The following IL20RA variants were observed in gnomAD, a reference collection of about 807,000 sequenced individuals.
IL20RA encodes the protein interleukin-20 receptor subunit alpha.
In IL20RA, 29 loss-of-function variants were observed where a neutral mutation model predicts 36.5. The observed-to-expected ratio is 0.79, with a 90% CI of 0.59 to 1.08. The LOEUF is 1.08. IL20RA is among the 50% of genes least tolerant of loss of function. The probability of loss-of-function intolerance (pLI) is 0.00; values close to 1 mark genes in which losing one functional copy is unlikely to be tolerated. For synonymous variants in IL20RA, 279 were observed against 267.1 expected (o/e 1.04, Z -0.43); for missense variants, 652 against 668.4 (o/e 0.98, Z 0.27).
At chr6:137,034,075 T>C (rs1187681694) in intron 1 of IL20RA, among the ~76,000 whole-genome samples, 1 of 152,138 alleles carries the variant, frequency 6.6e-6, no homozygotes, top group Non-Finnish European at 1.5e-5. Context: ...ATTACTGTGG[T>C]TTGAGTGAGT....
At chr6:137,036,746 AT>A (rs1033344117) in intron 1 of IL20RA, among the ~76,000 whole-genome samples, 1 of 152,114 alleles carries the variant, frequency 6.6e-6, no homozygotes, top group Non-Finnish European at 1.5e-5. Flanking sequence ...AAGTTGCATT[AT>A]TTTAAGCCAC....
chr6:137,004,600 C>A, intron 6 of IL20RA, 21 bp downstream of exon 6: 1 of 1,611,050 alleles, frequency 6.2e-7, no homozygotes, highest in Non-Finnish European at 8.5e-7. Context: ...AATAAAGAAC[C>A]CTGCCACACC....
At chr6:137,034,542 T>C (rs2115420460) in intron 1 of IL20RA, among the ~76,000 whole-genome samples, 1 of 152,232 alleles carries the variant, frequency 6.6e-6, no homozygotes, top group East Asian at 1.9e-4. Flanking sequence ...GCATTAGCTA[T>C]TTATCCTGAT....
intron 1 of IL20RA, among the ~76,000 whole-genome samples, chr6:137,023,074 T>C (rs1775961202): frequency 6.6e-6 from 1 of 152,174 alleles, no homozygotes; most frequent in South Asian, 2.1e-4. Context: ...TTATGGTGAA[T>C]AGACAGGTAA....
intron 1 of IL20RA, among the ~76,000 whole-genome samples, chr6:137,020,382 TTTG>T (rs1775852186): frequency 6.6e-6 from 1 of 152,118 alleles, no homozygotes; most frequent in Non-Finnish European, 1.5e-5. Context: ...TGAGATAATA[TTTG>T]TTGTTTAAAG....
chr6:137,029,625 G>A (rs1402861221), intron 1 of IL20RA, among the ~76,000 whole-genome samples: 1 of 152,188 alleles, frequency 6.6e-6, no homozygotes, highest in African/African-American at 2.4e-5. Context: ...TGGAAAAGTA[G>A]ATTCAAATAT....
chr6:137,002,026 G>A lies in IL20RA; in HGVS notation c.1194C>T (p.Val398=). 6.2e-7 allele frequency: 1 copy of A among 1,614,164 alleles called. No homozygotes were observed. ...TTCTGACATCATATTCATATTCAAT[G>A]ACTGTTTTATCCGGGGGTATTGTTC... is the stretch of plus-strand genomic sequence containing the variant. ...LSRTIPPDKT[V]IEYEYDVRTT... Residue 398 remains valine, a synonymous_variant, in exon 7 of 7, where the codon GTC becomes GTT. Coordinates refer to ENST00000316649, the MANE Select transcript of IL20RA (RefSeq NM_014432.4).
chr6:137,044,427 C>A, intron 1 of IL20RA: 1 of 952,860 alleles, frequency 1.0e-6, no homozygotes, highest in Non-Finnish European at 1.3e-6. Flanking sequence ...AACTTGACCC[C>A]GAGCCAAGGT....
At chr6:137,018,345 C>T (rs1334764517) in intron 1 of IL20RA, among the ~76,000 whole-genome samples, 1 of 152,094 alleles carries the variant, frequency 6.6e-6, no homozygotes, top group Non-Finnish European at 1.5e-5. Flanking sequence ...TAATATCACC[C>T]TGATTCTAAG....
chr6:137,033,579 C>T (rs990703087), intron 1 of IL20RA, among the ~76,000 whole-genome samples: 1 of 152,194 alleles, frequency 6.6e-6, no homozygotes, highest in Non-Finnish European at 1.5e-5. Flanking sequence ...CCCACCATTG[C>T]TCTCTCTTGT....
intron 1 of IL20RA, among the ~76,000 whole-genome samples, chr6:137,021,348 A>G (rs1193745444): frequency 2.6e-5 from 4 of 152,094 alleles, no homozygotes; most frequent in African/African-American, 9.7e-5. Context: ...TGGAAATGGT[A>G]TCATATATTT....
At chr6:137,026,251 C>A (rs1582833035) in intron 1 of IL20RA, among the ~76,000 whole-genome samples, 1 of 152,182 alleles carries the variant, frequency 6.6e-6, no homozygotes, top group Admixed American at 6.5e-5. Context: ...GACACCAGGT[C>A]TTATAAGGTC....
intron 1 of IL20RA, 63 bp downstream of exon 1, chr6:137,044,578 T>C: frequency 8.3e-7 from 1 of 1,210,028 alleles, no homozygotes; most frequent in Non-Finnish European, 1.0e-6. Context: ...CCTCGAGCTC[T>C]GCCTGGCGGG....
chr6:137,022,938 A>T (rs1401001268), intron 1 of IL20RA, among the ~76,000 whole-genome samples: 1 of 152,300 alleles, frequency 6.6e-6, no homozygotes, highest in East Asian at 1.9e-4. Context: ...GGTGCTGCCA[A>T]CACCTTGATT....
At chr6:137,023,248 G>C (rs1285031861) in intron 1 of IL20RA, among the ~76,000 whole-genome samples, 1 of 125,928 alleles carries the variant, frequency 7.9e-6, no homozygotes, top group Non-Finnish European at 1.8e-5. Flanking sequence ...GGCCTTAGGA[G>C]AGGGCAGTGT....
chr6:137,010,883 G>A (rs1775468574), intron 3 of IL20RA, among the ~76,000 whole-genome samples: 1 of 152,022 alleles, frequency 6.6e-6, no homozygotes, highest in Non-Finnish European at 1.5e-5. Context: ...TTGTCATCTA[G>A]TATCAATTTT....
chr6:137,014,858 G>T (rs910398642), intron 2 of IL20RA, among the ~76,000 whole-genome samples: 1 of 151,974 alleles, frequency 6.6e-6, no homozygotes, highest in African/African-American at 2.4e-5. Context: ...TCTTCTTTTG[G>T]GTTTGTCTTT....
intron 6 of IL20RA, among the ~76,000 whole-genome samples, chr6:137,003,824 GC>G (rs917887862): frequency 1.1e-3 from 161 of 152,172 alleles, no homozygotes; most frequent in African/African-American, 3.7e-3. Context: ...GGGGTGTCAT[GC>G]AGTTTCCACA....
At chr6:137,006,272 G>T (rs1010506896) in intron 5 of IL20RA, among the ~76,000 whole-genome samples, 2 of 152,198 alleles carry the variant, frequency 1.3e-5, no homozygotes, top group African/African-American at 4.8e-5. Context: ...CCGCATGCGG[G>T]CCTGTTACCC....
Sources: gnomAD v4.1 joint callset for allele counts (sites outside exome capture counted in the v4.1 genomes callset) on GRCh38, gnomAD v4.1.1 for gene constraint, MANE v1.5 for transcripts, NCBI Gene and HGNC (gene_info 2026-07-23, HGNC 2026-07-21) for gene names.